TMEM178B: variants seen among roughly 807,000 people sequenced by gnomAD.
TMEM178B encodes transmembrane protein 178B.
TMEM178B carries 5 observed loss-of-function variants against 31.0 expected under a neutral mutation model. The ratio of observed to expected loss-of-function variants is 0.16; its 90% CI spans 0.08 to 0.34. TMEM178B has a LOEUF of 0.34. Among genes scored for constraint, TMEM178B ranks in the 10% least tolerant of loss-of-function variants. The pLI is 1.00. For synonymous variants in TMEM178B, 164 were observed against 164.0 expected (o/e 1.00, Z 0.00); for missense variants, 275 against 400.3 (o/e 0.69, Z 2.67).
At chr7:141,293,519 A>G (rs1798581659) in intron 2 of TMEM178B, among the ~76,000 whole-genome samples, 1 of 152,162 alleles carries the variant, frequency 6.6e-6, no homozygotes, top group Admixed American at 6.5e-5. Context: ...CCTAATGATG[A>G]GGGGGAAGTG....
chr7:141,341,157 T>G (rs1799509596), intron 2 of TMEM178B, among the ~76,000 whole-genome samples: 1 of 152,160 alleles, frequency 6.6e-6, no homozygotes, highest in Admixed American at 6.6e-5. Flanking sequence ...GCACACAAGC[T>G]GGAGAGAGGG....
the TMEM178B span, among the ~76,000 whole-genome samples, chr7:141,486,640 A>G: frequency 6.6e-6 from 1 of 152,196 alleles, no homozygotes; most frequent in African/African-American, 2.4e-5. Context: ...CTCCCCCTCC[A>G]TGGCCTTTAA....
chr7:141,405,032 C>T (rs1382004997), intron 2 of TMEM178B, among the ~76,000 whole-genome samples: 1 of 152,246 alleles, frequency 6.6e-6, no homozygotes, highest in Non-Finnish European at 1.5e-5. Flanking sequence ...CTCTCTCTCT[C>T]CTACATCAGC....
intron 2 of TMEM178B, among the ~76,000 whole-genome samples, chr7:141,228,189 G>T (rs1431307807): frequency 6.6e-6 from 1 of 152,000 alleles, no homozygotes; most frequent in Non-Finnish European, 1.5e-5. Flanking sequence ...CTTTGATTAT[G>T]ATCATTAATC....
At chr7:141,511,146 G>T in the TMEM178B span, among the ~76,000 whole-genome samples, 1 of 151,342 alleles carries the variant, frequency 6.6e-6, no homozygotes, top group African/African-American at 2.4e-5. Context: ...GCAGTGAGGA[G>T]ACTTAGTGTA....
intron 1 of TMEM178B, among the ~76,000 whole-genome samples, chr7:141,110,817 G>A (rs1795223007): frequency 6.6e-6 from 1 of 152,142 alleles, no homozygotes; most frequent in African/African-American, 2.4e-5. Flanking sequence ...GTAAGGCTGG[G>A]GCCCTGATCT....
At chr7:141,393,673 C>T (rs557950262) in intron 2 of TMEM178B, among the ~76,000 whole-genome samples, 2 of 152,314 alleles carry the variant, frequency 1.3e-5, no homozygotes, top group Non-Finnish European at 2.9e-5. Context: ...AAATCTCTTG[C>T]AAAGATGTTC....
chr7:141,408,121 G>A (rs1800917521), intron 2 of TMEM178B, among the ~76,000 whole-genome samples: 1 of 152,012 alleles, frequency 6.6e-6, no homozygotes, highest in Non-Finnish European at 1.5e-5. Context: ...ATGACCCAAG[G>A]ATTCAGTGAT....
At chr7:141,389,091 T>G (rs745700498) in intron 2 of TMEM178B, among the ~76,000 whole-genome samples, 3 of 152,168 alleles carry the variant, frequency 2.0e-5, no homozygotes, top group Non-Finnish European at 4.4e-5. Flanking sequence ...TTTTTGGGTT[T>G]CTTTAAGCTG....
intron 2 of TMEM178B, among the ~76,000 whole-genome samples, chr7:141,314,552 G>A (rs1454945319): frequency 6.6e-6 from 1 of 152,106 alleles, no homozygotes; most frequent in African/African-American, 2.4e-5. Flanking sequence ...TCTAGCTTCT[G>A]TCCCCACCAG....
At chr7:141,221,640 G>A (rs893361010) in intron 2 of TMEM178B, among the ~76,000 whole-genome samples, 1 of 152,222 alleles carries the variant, frequency 6.6e-6, no homozygotes, top group Non-Finnish European at 1.5e-5. Context: ...CAAGGCAGGT[G>A]TGCTATGCCC....
chr7:141,337,794 G>C (rs931764809), intron 2 of TMEM178B, among the ~76,000 whole-genome samples: 1 of 152,164 alleles, frequency 6.6e-6, no homozygotes, highest in Admixed American at 6.5e-5. Context: ...AACAAAAAAA[G>C]GTGGAAAATA....
intron 1 of TMEM178B, among the ~76,000 whole-genome samples, chr7:141,191,807 G>T (rs1796701479): frequency 6.6e-6 from 1 of 151,982 alleles, no homozygotes; most frequent in African/African-American, 2.4e-5. Context: ...GCTTATGGTA[G>T]GTTTTGCTAT....
intron 2 of TMEM178B, among the ~76,000 whole-genome samples, chr7:141,313,207 G>A (rs999786701): frequency 6.6e-6 from 1 of 152,224 alleles, no homozygotes; most frequent in Admixed American, 6.5e-5. Context: ...TACTGACCGA[G>A]TGGGAAAGAA....
intron 2 of TMEM178B, among the ~76,000 whole-genome samples, chr7:141,337,220 A>C (rs1401782338): frequency 5.1e-5 from 6 of 118,368 alleles, no homozygotes; most frequent in African/African-American, 1.4e-4. Flanking sequence ...CATCACCACC[A>C]CCACCACCAC....
chr7:141,333,837 G>A (rs542894500), intron 2 of TMEM178B, among the ~76,000 whole-genome samples: 44 of 152,302 alleles, frequency 2.9e-4, no homozygotes, highest in Non-Finnish European at 5.4e-4. Flanking sequence ...CTAAAGGAGC[G>A]CGCAATCTAG....
intron 1 of TMEM178B, among the ~76,000 whole-genome samples, chr7:141,184,599 GTGTGGCAATGTCT>G (rs1796579045): frequency 6.6e-6 from 1 of 152,192 alleles, no homozygotes; most frequent in East Asian, 1.9e-4. Context: ...TGCCTTGGGT[GTGTGGCAATGTCT>G]TGTGGGGACT....
chr7:141,277,646 A>G (rs1383023724), intron 2 of TMEM178B, among the ~76,000 whole-genome samples: 1 of 152,122 alleles, frequency 6.6e-6, no homozygotes, highest in Non-Finnish European at 1.5e-5. Flanking sequence ...GCTCTATTGT[A>G]AACTCTTGGG....
chr7:141,438,881 A>AAAAAAAG (rs1454345300), intron 3 of TMEM178B, among the ~76,000 whole-genome samples: 3 of 151,178 alleles, frequency 2.0e-5, no homozygotes, highest in Non-Finnish European at 4.4e-5. Flanking sequence ...GTCTCAAAAA[A>AAAAAAAG]AAAGAAAGAA....
Sources: gnomAD v4.1 joint callset for allele counts (sites outside exome capture counted in the v4.1 genomes callset) on GRCh38, gnomAD v4.1.1 for gene constraint, MANE v1.5 for transcripts, NCBI Gene and HGNC (gene_info 2026-07-23, HGNC 2026-07-21) for gene names.